TSNARE1: variants seen among roughly 807,000 people sequenced by gnomAD.
TSNARE1 encodes t-SNARE domain-containing protein 1.
TSNARE1 carries 49 observed loss-of-function variants against 62.0 expected under a neutral mutation model. That is an observed-to-expected ratio of 0.79 (90% CI 0.63 to 1.00). The LOEUF is 1.00. Ranked by LOEUF, TSNARE1 falls within the 50% of genes least tolerant of loss-of-function variation. The pLI is 0.00. For synonymous variants in TSNARE1, 328 were observed against 294.4 expected (o/e 1.11, Z -1.17); for missense variants, 755 against 700.1 (o/e 1.08, Z -0.88).
At chr8:142,373,280 G>A (rs561327942) in intron 1 of TSNARE1, among the ~76,000 whole-genome samples, 1 of 152,312 alleles carries the variant, frequency 6.6e-6, no homozygotes, top group South Asian at 2.1e-4. Context: ...CTACGGCCAT[G>A]GGAGTGGGTT....
At chr8:142,353,400 G>A (rs907374116) in intron 2 of TSNARE1, among the ~76,000 whole-genome samples, 2 of 152,172 alleles carry the variant, frequency 1.3e-5, no homozygotes, top group Non-Finnish European at 2.9e-5. Context: ...GAAGTGGGAG[G>A]AGACCAGGCC....
chr8:142,342,896 C>G lies in TSNARE1; in HGVS notation c.745+1070G>C, dbSNP rs377080648. 4.0e-5 allele frequency among the ~76,000 whole-genome samples: 6 copies of G among 151,422 alleles called. No homozygotes were observed. The East Asian group carries it at 1.2e-3, about 30-fold the overall frequency. On this transcript the variant is annotated intron_variant, in intron 4 of 13. Coordinates refer to ENST00000524325, the MANE Select transcript of TSNARE1 (RefSeq NM_145003.5). ...ACCTGTCCCAGCACCTGCCCGGGCC[C>G]ACCACATCAGGAGCTCAGACGCCGT...
chr8:142,340,044 C>T (rs10095340), intron 4 of TSNARE1, among the ~76,000 whole-genome samples: 41,766 of 152,176 alleles, frequency 0.27, 7,516 homozygotes, highest in African/African-American at 0.51. Flanking sequence ...CGGGGCCAGA[C>T]TGGCCAGCAC....
rs111727650 is a variant in TSNARE1 at position 142,258,869 on chromosome 8, C to T, written c.1446+15912G>A. ...TCACCTCAGAGACCCCAGAACCCACCCAGCTCAGAGTCTGGAAGAGCCCCA... is the reference window on the plus strand; with the variant it reads ...TCACCTCAGAGACCCCAGAACCCACTCAGCTCAGAGTCTGGAAGAGCCCCA... On this transcript the variant is annotated intron_variant, in intron 12 of 13. Transcript: ENST00000524325. Among the ~76,000 whole-genome samples, 95 of 152,160 alleles carry T rather than the reference C, an allele frequency of 6.2e-4. 2 individuals carry two copies. The highest frequency in any genetic ancestry group is 4.6e-4 in the Admixed American group (7 of 15,282).
At position 142,345,891 on chromosome 8, in the gene TSNARE1, C is replaced by G. The variant is rs1833293906; in HGVS notation, c.90G>C (p.Glu30Asp). Residue 30 changes from glutamate (E) to aspartate (D), a missense_variant and splice_region_variant, in exon 3 of 14, where the codon GAG becomes GAC. Glu to Asp is a conservative substitution (Grantham distance 45). Transcript: ENST00000524325. ...CATACTCGGTCCAACATCTAGCGCA[C>G]TCTACGGACAGCAAGGGACAGTCAC... ...GPSRQGCQPL[E>D]CARCWTEYGI... 1 of 1,612,986 alleles carries G rather than the reference C, an allele frequency of 6.2e-7. No homozygotes were observed. Among genetic ancestry groups the G allele is most frequent in the Admixed American group, 1.7e-5 (1 of 59,906 alleles).
At chr8:142,262,023 C>T (rs77487748) in intron 12 of TSNARE1, among the ~76,000 whole-genome samples, 6,118 of 152,314 alleles carry the variant, frequency 0.04, 194 homozygotes, top group African/African-American at 0.08. Flanking sequence ...GTCCCTCTCA[C>T]AGGCTCATGA....
At chr8:142,366,596 G>A (rs1272364480) in intron 1 of TSNARE1, among the ~76,000 whole-genome samples, 3 of 152,100 alleles carry the variant, frequency 2.0e-5, no homozygotes, top group Admixed American at 6.5e-5. Context: ...AGAGTTGAAC[G>A]CTCATTCCTG....
intron 10 of TSNARE1, among the ~76,000 whole-genome samples, chr8:142,287,841 C>T (rs1320837212): frequency 6.7e-6 from 1 of 148,426 alleles, no homozygotes; most frequent in African/African-American, 2.5e-5. Flanking sequence ...ATCTCAGGGA[C>T]AGTGGGCCGC....
chr8:142,334,120 CCAAA>C (rs1298185047), intron 4 of TSNARE1, among the ~76,000 whole-genome samples: 1 of 152,206 alleles, frequency 6.6e-6, no homozygotes, highest in African/African-American at 2.4e-5. Flanking sequence ...TGAATTTTGG[CCAAA>C]CAAAGCCAAC....
chr8:142,219,807 C>T (rs1039773044), intron 13 of TSNARE1, among the ~76,000 whole-genome samples: 1 of 152,220 alleles, frequency 6.6e-6, no homozygotes, highest in African/African-American at 2.4e-5. Context: ...TTCTGGCTCC[C>T]GGCCTCCCAG....
chr8:142,381,173 G>A (rs759661252), intron 1 of TSNARE1, among the ~76,000 whole-genome samples: 42 of 152,200 alleles, frequency 2.8e-4, no homozygotes, highest in Non-Finnish European at 5.0e-4. Context: ...TGGGAATCCT[G>A]CCCACCCTTG....
At chr8:142,359,494 A>G (rs1468210732) in intron 1 of TSNARE1, among the ~76,000 whole-genome samples, 3 of 152,134 alleles carry the variant, frequency 2.0e-5, no homozygotes, top group Non-Finnish European at 4.4e-5. Flanking sequence ...AAGAACAAGA[A>G]GCCCAGCCCT....
intron 11 of TSNARE1, 181 bp from the exon 12 acceptor site, chr8:142,275,044 G>A (rs1461094776): frequency 2.0e-6 from 2 of 985,338 alleles, no homozygotes; most frequent in Non-Finnish European, 2.4e-6. Context: ...TGGGCAGTGG[G>A]CAGCAATGAC....
chr8:142,337,472 T>C (rs1831908639), intron 4 of TSNARE1, among the ~76,000 whole-genome samples: 1 of 152,210 alleles, frequency 6.6e-6, no homozygotes, highest in Non-Finnish European at 1.5e-5. Context: ...CTGTGCTATG[T>C]CCAAAGACAT....
intron 1 of TSNARE1, among the ~76,000 whole-genome samples, chr8:142,395,098 C>T (rs560771645): frequency 2.6e-5 from 4 of 152,180 alleles, no homozygotes; most frequent in South Asian, 2.1e-4. Context: ...GGGGCGGCCC[C>T]GTGCATCAAA....
chr8:142,218,555 C>T (rs1468890279), intron 13 of TSNARE1, among the ~76,000 whole-genome samples: 6 of 152,214 alleles, frequency 3.9e-5, no homozygotes, highest in Non-Finnish European at 8.8e-5. Flanking sequence ...TAGCATGGGC[C>T]ACCCCTCGAT....
intron 12 of TSNARE1, among the ~76,000 whole-genome samples, chr8:142,256,382 T>TCACCAC (rs1586872778): frequency 2.3e-3 from 2 of 876 alleles, no homozygotes; most frequent in Admixed American, 0.014. Context: ...ACCACCATCA[T>TCACCAC]CATCACCAAT....
chr8:142,322,421 G>C (rs1039971377), intron 6 of TSNARE1, among the ~76,000 whole-genome samples: 1 of 152,172 alleles, frequency 6.6e-6, no homozygotes, highest in Non-Finnish European at 1.5e-5. Flanking sequence ...GTTTACCTAG[G>C]AATAAGGGGG....
intron 12 of TSNARE1, among the ~76,000 whole-genome samples, chr8:142,248,157 T>G (rs999174433): frequency 2.0e-5 from 3 of 152,176 alleles, no homozygotes; most frequent in Non-Finnish European, 2.9e-5. Flanking sequence ...TTCTGCCACC[T>G]GAGGACGCAG....
Sources: allele counts gnomAD v4.1 joint callset (sites outside exome capture counted in the v4.1 genomes callset), GRCh38; gene constraint gnomAD v4.1.1; transcripts MANE v1.5; gene names NCBI Gene and HGNC (gene_info 2026-07-23, HGNC 2026-07-21).